The following CSMD1 variants were observed in gnomAD, a reference collection of about 807,000 sequenced individuals.
The protein encoded by CSMD1 is CUB and Sushi multiple domains 1, also known as CUB and sushi domain-containing protein 1.
CSMD1 carries 213 observed loss-of-function variants against 417.5 expected under a neutral mutation model. The ratio of observed to expected loss-of-function variants is 0.51; its 90% CI spans 0.46 to 0.57. CSMD1 has a LOEUF of 0.57. CSMD1 is among the 20% of genes least tolerant of loss of function. CSMD1 has a pLI of 0.00. For synonymous variants in CSMD1, 2,862 were observed against 1,736.8 expected, an observed-to-expected ratio of 1.65 and a Z score of -16.11; for missense variants, 6,923 against 4,529.7, an observed-to-expected ratio of 1.53 and a Z score of -15.17.
chr8:4,642,182 G>A (rs959819683), intron 1 of CSMD1, among the ~76,000 whole-genome samples: 1 of 152,184 alleles, frequency 6.6e-6, no homozygotes, highest in Non-Finnish European at 1.5e-5. Flanking sequence ...CTTGTTCGGG[G>A]CCCCGGTGAG....
chr8:4,081,247 G>C (rs904692881), intron 3 of CSMD1, among the ~76,000 whole-genome samples: 3 of 152,264 alleles, frequency 2.0e-5, no homozygotes, highest in South Asian at 4.1e-4. Flanking sequence ...GACAAGCATT[G>C]TGGTAGCTCA....
intron 5 of CSMD1, among the ~76,000 whole-genome samples, chr8:3,783,964 G>C (rs898409022): frequency 8.5e-5 from 13 of 152,156 alleles, no homozygotes; most frequent in Admixed American, 3.3e-4. Flanking sequence ...ACCTGCCCTT[G>C]GGCAAATTAC....
chr8:3,139,889 T>C (rs1339765534), intron 41 of CSMD1, among the ~76,000 whole-genome samples: 1 of 145,872 alleles, frequency 6.9e-6, no homozygotes, highest in Non-Finnish European at 1.5e-5. Context: ...TTCTTTCTTT[T>C]TTCTTTTCTT....
intron 10 of CSMD1, among the ~76,000 whole-genome samples, chr8:3,527,155 T>C (rs2117487137): frequency 6.6e-6 from 1 of 152,308 alleles, no homozygotes; most frequent in African/African-American, 2.4e-5. Context: ...CTCTCCACGT[T>C]TTTATAACAC....
At chr8:3,902,721 C>G (rs1435630310) in intron 5 of CSMD1, among the ~76,000 whole-genome samples, 1 of 152,064 alleles carries the variant, frequency 6.6e-6, no homozygotes, top group African/African-American at 2.4e-5. Flanking sequence ...AGTCCATGGC[C>G]CCGGGATTAG....
intron 5 of CSMD1, among the ~76,000 whole-genome samples, chr8:3,794,948 A>C (rs1369049141): frequency 1.3e-5 from 2 of 151,896 alleles, no homozygotes; most frequent in African/African-American, 4.8e-5. Context: ...GTATAGCTAT[A>C]GATATATATC....
At chr8:4,973,319 G>A (rs1481111576) in intron 1 of CSMD1, among the ~76,000 whole-genome samples, 1 of 152,158 alleles carries the variant, frequency 6.6e-6, no homozygotes, top group Non-Finnish European at 1.5e-5. Flanking sequence ...TTGACTTATA[G>A]GCGAAGTCAA....
chr8:3,237,808 ATT>A lies in CSMD1; in HGVS notation c.4154-7579_4154-7578del, dbSNP rs1799249197. On this transcript the variant is annotated intron_variant, in intron 26 of 69. Transcript: ENST00000635120. ...TTATACTACAAGTATAATTTTTATA[ATT>A]ATACTTATACTACAAGTATAATTTT... Among the ~76,000 whole-genome samples, 2 of 98,400 alleles carry A rather than the reference ATT, an allele frequency of 2.0e-5. 1 individual carries two copies. The highest frequency in any genetic ancestry group is 7.1e-5 in the African/African-American group (2 of 28,124). The allele number at this position is 98,400 out of a possible 152,430, so 64.6% of individuals were successfully genotyped here. A position where few individuals can be genotyped will look rare whatever the true frequency, so the allele number is the denominator to read the frequency against.
At chr8:3,255,699 T>C (rs1371193279) in intron 26 of CSMD1, among the ~76,000 whole-genome samples, 2 of 152,164 alleles carry the variant, frequency 1.3e-5, no homozygotes, top group African/African-American at 2.4e-5. Flanking sequence ...GGTGTGCCGT[T>C]TGCTAAGCCC....
At chr8:4,187,322 G>C (rs904486887) in intron 3 of CSMD1, among the ~76,000 whole-genome samples, 18 of 152,110 alleles carry the variant, frequency 1.2e-4, no homozygotes, top group Non-Finnish European at 2.9e-5. Context: ...CCACTAGGAT[G>C]CAATGGTTTT....
intron 3 of CSMD1, among the ~76,000 whole-genome samples, chr8:4,201,264 C>A (rs1438301264): frequency 1.3e-5 from 2 of 152,114 alleles, no homozygotes; most frequent in African/African-American, 2.4e-5. Flanking sequence ...CAGGGCCGGG[C>A]GCAGTGGCTC....
At chr8:3,605,947 A>T (rs1251012189) in intron 8 of CSMD1, among the ~76,000 whole-genome samples, 2 of 152,190 alleles carry the variant, frequency 1.3e-5, no homozygotes, top group Non-Finnish European at 2.9e-5. Flanking sequence ...CCTCAGTTTA[A>T]TCCATTCAAC....
At chr8:4,680,558 G>C (rs1009009494) in intron 1 of CSMD1, among the ~76,000 whole-genome samples, 1 of 152,064 alleles carries the variant, frequency 6.6e-6, no homozygotes, top group Non-Finnish European at 1.5e-5. Flanking sequence ...CAGCTTGATA[G>C]GGGGCCACCA....
At chr8:3,602,590 T>G (rs74633271) in intron 8 of CSMD1, among the ~76,000 whole-genome samples, 3,747 of 152,284 alleles carry the variant, frequency 0.025, 77 homozygotes, top group Middle Eastern at 0.051. Flanking sequence ...ATGAAATTTT[T>G]GCAGAATCTT....
chr8:4,849,747 G>T (rs1343551803), intron 1 of CSMD1, among the ~76,000 whole-genome samples: 1 of 152,152 alleles, frequency 6.6e-6, no homozygotes, highest in Non-Finnish European at 1.5e-5. Context: ...AGGTCTCTAG[G>T]AAGCTAAACC....
At chr8:3,432,508 C>CTTTTTTTTT in intron 12 of CSMD1, among the ~76,000 whole-genome samples, 1 of 105,328 alleles carries the variant, frequency 9.5e-6, no homozygotes, top group Non-Finnish European at 1.9e-5. Flanking sequence ...TCAATATGGG[C>CTTTTTTTTT]TTTTTTTTTT....
intron 2 of CSMD1, among the ~76,000 whole-genome samples, chr8:4,438,692 G>A (rs1196300271): frequency 6.6e-6 from 1 of 152,178 alleles, no homozygotes; most frequent in East Asian, 1.9e-4. Flanking sequence ...GCAAACTCTT[G>A]CGGCCTTCAT....
At chr8:4,459,823 T>G (rs1799700634) in intron 2 of CSMD1, among the ~76,000 whole-genome samples, 1 of 152,222 alleles carries the variant, frequency 6.6e-6, no homozygotes, top group Admixed American at 6.5e-5. Flanking sequence ...TGGTACTTTG[T>G]GTCACTGGGC....
chr8:4,787,583 T>A (rs576141166), intron 1 of CSMD1: 2 of 1,519,564 alleles, frequency 1.3e-6, no homozygotes, highest in Admixed American at 1.7e-5. Context: ...TGCACCCCAG[T>A]GCGAAATGAT....
Sources: allele counts gnomAD v4.1 joint callset (sites outside exome capture counted in the v4.1 genomes callset), GRCh38; gene constraint gnomAD v4.1.1; transcripts MANE v1.5; gene names NCBI Gene and HGNC (gene_info 2026-07-23, HGNC 2026-07-21).